SLC14A1: variants seen among roughly 807,000 people sequenced by gnomAD.
SLC14A1 encodes the protein urea transporter 1.
SLC14A1 carries 36 observed loss-of-function variants against 39.6 expected under a neutral mutation model. The observed-to-expected ratio is 0.91, with a 90% CI of 0.70 to 1.20. The LOEUF is 1.20. Ranked by LOEUF, SLC14A1 falls within the 50% of genes most tolerant of loss-of-function variation. The pLI is 0.00. For missense variants in SLC14A1, 469 were observed against 478.7 expected (o/e 0.98, Z 0.19); for synonymous variants, 164 against 173.6 (o/e 0.94, Z 0.43).
intron 6 of SLC14A1, among the ~76,000 whole-genome samples, chr18:45,737,245 A>G (rs2047223583): frequency 6.6e-6 from 1 of 152,202 alleles, no homozygotes; most frequent in Non-Finnish European, 1.5e-5. Flanking sequence ...AACTCCCCAA[A>G]TTGTGATGCG....
chr18:45,738,355 T>C (rs1335521858), intron 6 of SLC14A1, among the ~76,000 whole-genome samples: 1 of 152,228 alleles, frequency 6.6e-6, no homozygotes, highest in Non-Finnish European at 1.5e-5. Flanking sequence ...TAATTATGCC[T>C]ATCCTAGCCC....
chr18:45,725,496 G>A (rs1229252088), intron 2 of SLC14A1, among the ~76,000 whole-genome samples: 1 of 152,188 alleles, frequency 6.6e-6, no homozygotes, highest in Non-Finnish European at 1.5e-5. Flanking sequence ...ACTGGGGATA[G>A]CAGAGCTCTT....
At chr18:45,725,909 G>A (rs961132200) in intron 2 of SLC14A1, among the ~76,000 whole-genome samples, 16 of 152,220 alleles carry the variant, frequency 1.1e-4, no homozygotes, top group African/African-American at 3.6e-4. Context: ...TCTCCAAGGT[G>A]TGTGATTTTG....
At chr18:45,742,354 T>TTA (rs1555648953) in intron 8 of SLC14A1, among the ~76,000 whole-genome samples, 1 of 33,892 alleles carries the variant, frequency 3.0e-5, no homozygotes, top group East Asian at 8.4e-4. Context: ...TGTTTTTTGG[T>TTA]TTTTTTTTTT....
intron 2 of SLC14A1, among the ~76,000 whole-genome samples, chr18:45,728,304 T>C (rs1304008789): frequency 2.0e-5 from 3 of 152,310 alleles, no homozygotes; most frequent in African/African-American, 7.2e-5. Flanking sequence ...AATAAATATA[T>C]GCTGGGAATT....
intron 6 of SLC14A1, among the ~76,000 whole-genome samples, chr18:45,737,281 C>A (rs1417405625): frequency 6.6e-6 from 1 of 152,208 alleles, no homozygotes; most frequent in Non-Finnish European, 1.5e-5. Context: ...ACCACTGTAT[C>A]AAGGGGTGAA....
chr18:45,742,966 G>A (rs756331622), intron 8 of SLC14A1, among the ~76,000 whole-genome samples: 7 of 152,234 alleles, frequency 4.6e-5, no homozygotes, highest in South Asian at 2.1e-4. Context: ...GATTACAGGC[G>A]TGAGCCACAG....
Position 45,743,392 on chromosome 18 carries a change from T to C in SLC14A1, c.946+3730T>C, listed in dbSNP as rs890703002. Among the ~76,000 whole-genome samples, 3 of 151,284 alleles carry C rather than the reference T, an allele frequency of 2.0e-5. No individual in the cohort carries two copies. The East Asian group carries it at 5.8e-4, about 29-fold the overall frequency. On this transcript the variant is annotated intron_variant, in intron 8 of 9. Transcript: ENST00000321925. ...ATTATTCTTCCTACCACACTCACCT[T>C]CCTTTGGATAGATTTTTTTTTTTTT...
At chr18:45,748,457 C>T (rs1392569831) in intron 9 of SLC14A1, 32 bp downstream of exon 9, 34 of 1,608,278 alleles carry the variant, frequency 2.1e-5, no homozygotes, top group Non-Finnish European at 2.7e-5. Context: ...TTTTCATTAG[C>T]GTAATTGACC....
Position 45,751,977 on chromosome 18 carries a change from G to A in SLC14A1, c.*2026G>A. 1.0e-6 allele frequency: 1 copy of A among 985,214 alleles called. No homozygotes were observed. The highest frequency in any genetic ancestry group is 1.2e-6 in the Non-Finnish European group (1 of 829,884). The allele number at this position is 985,214 out of a possible 1,614,324, so 61.0% of individuals were successfully genotyped here. On this transcript the variant is annotated 3_prime_UTR_variant, in exon 10 of 10. Coordinates refer to ENST00000321925, the MANE Select transcript of SLC14A1 (RefSeq NM_015865.7). The stretch of plus-strand genomic sequence containing the variant: ...TTGCTGAATGAATAAACAGAAATAG[G>A]GAAGTAAACCTACAAATATTTTAGG...
chr18:45,730,145 A>T (rs2046984854), intron 2 of SLC14A1, 155 bp from the exon 3 acceptor site: 1 of 716,454 alleles, frequency 1.4e-6, no homozygotes. Flanking sequence ...GGGTTTGGCT[A>T]ATAAGCTCTG....
In SLC14A1 at chr18:45,751,497, C is replaced by T. The variant is rs1372027943; in HGVS notation, c.*1546C>T. ...ATACTGAAGACAGCAACAGAAGTCA[C>T]GTTCAGGGACTGGCTCACACCTGTA... On this transcript the variant is annotated 3_prime_UTR_variant, in exon 10 of 10. Coordinates refer to ENST00000321925, the MANE Select transcript of SLC14A1 (RefSeq NM_015865.7). The T allele has an allele frequency of 5.7e-5, 56 of 984,344 alleles. No homozygotes were observed. Among genetic ancestry groups the T allele is most frequent in the African/African-American group, 2.5e-4 (14 of 56,958 alleles). The allele number at this position is 984,344 out of a possible 1,614,324, so 61.0% of individuals were successfully genotyped here. A position where few individuals can be genotyped will look rare whatever the true frequency, so the allele number is the denominator to read the frequency against.
In SLC14A1 at chr18:45,748,403, G is replaced by T. The variant is rs1482857415; in HGVS notation, c.974G>T (p.Gly325Val). ...CALFTAYLGV[G>V]MANFMAEVGL... ...CTGTTCACGGCCTATCTTGGAGTCG[G>T]CATGGCAAACTTTATGGCTGAGGTG... is the stretch of plus-strand genomic sequence containing the variant. The change falls in exon 9 of 10, where the codon GGC becomes GTC. Residue 325 changes from glycine to valine, a missense_variant. Gly to Val is a moderately radical substitution (Grantham distance 109). Coordinates refer to ENST00000321925, the MANE Select transcript of SLC14A1 (RefSeq NM_015865.7). 6.2e-7 allele frequency: 1 copy of T among 1,614,022 alleles called. No homozygotes were observed. Among genetic ancestry groups the T allele is most frequent in the South Asian group, 1.1e-5 (1 of 91,068 alleles).
chr18:45,735,028 A>G lies in SLC14A1; in HGVS notation c.470+626A>G, dbSNP rs561023623. ...ATTGACACTTCCATGGGGAAGGGAA[A>G]CAGTGCTGCAATGAAGATACGAGTG... On this transcript the variant is annotated intron_variant, in intron 5 of 9. Transcript: ENST00000321925. 2.0e-5 allele frequency among the ~76,000 whole-genome samples: 3 copies of G among 152,322 alleles called. No individual in the cohort carries two copies. The East Asian group carries it at 5.8e-4, about 29-fold the overall frequency.
intron 8 of SLC14A1, among the ~76,000 whole-genome samples, chr18:45,747,627 G>A (rs945562097): frequency 1.3e-4 from 20 of 152,198 alleles, no homozygotes; most frequent in Admixed American, 9.2e-4. Context: ...CCCAGGAGGC[G>A]GAGCTTGCAG....
intron 2 of SLC14A1, chr18:45,727,247 T>C: frequency 3.9e-6 from 6 of 1,551,282 alleles, no homozygotes; most frequent in Admixed American, 2.0e-5. Flanking sequence ...TTTTGCCCTT[T>C]GTCATGTATT....
chr18:45,749,855 C>G lies in SLC14A1; in HGVS notation c.1074C>G (p.Asn358Lys). Residue 358 changes from asparagine to lysine, a missense_variant, in exon 10 of 10, where the codon AAC becomes AAG. Asn to Lys is a moderately conservative substitution (Grantham distance 94). Transcript: ENST00000321925. ...LFLIMTTKNS[N>K]IYKMPLSKVT... ...TCATCATGACCACAAAAAATTCCAACATCTACAAGATGCCCCTCAGTAAAG... is the reference window on the plus strand; with the variant it reads ...TCATCATGACCACAAAAAATTCCAAGATCTACAAGATGCCCCTCAGTAAAG... 1 of 1,614,182 alleles carries G rather than the reference C, an allele frequency of 6.2e-7. No homozygotes were observed.
chr18:45,745,496 T>G (rs1394530204), intron 8 of SLC14A1, among the ~76,000 whole-genome samples: 1 of 152,210 alleles, frequency 6.6e-6, no homozygotes, highest in East Asian at 1.9e-4. Context: ...ATGGTGACTG[T>G]GTAGACATTT....
At chr18:45,739,480 G>A (rs767753239) in intron 7 of SLC14A1, 48 bp from the exon 8 acceptor site, 56 of 1,613,564 alleles carry the variant, frequency 3.5e-5, no homozygotes, top group Non-Finnish European at 4.5e-5. Context: ...TTTCCTTCCA[G>A]AACATCCTGC....
Sources: gnomAD v4.1 joint callset for allele counts (sites outside exome capture counted in the v4.1 genomes callset) on GRCh38, gnomAD v4.1.1 for gene constraint, MANE v1.5 for transcripts, NCBI Gene and HGNC (gene_info 2026-07-23, HGNC 2026-07-21) for gene names.